FAM13C: variants seen among roughly 807,000 people sequenced by gnomAD.
FAM13C encodes the protein protein FAM13C.
A neutral mutation model predicts 73.2 loss-of-function variants in FAM13C; 37 were observed. The observed-to-expected ratio is 0.51, with a 90% CI of 0.39 to 0.67. The LOEUF is 0.67. Ranked by LOEUF, FAM13C falls within the 30% of genes least tolerant of loss-of-function variation. The pLI, the probability that FAM13C is intolerant of heterozygous loss-of-function variation, is 0.00. For synonymous variants in FAM13C, 246 were observed against 260.9 expected (o/e 0.94, Z 0.55); for missense variants, 589 against 715.6 (o/e 0.82, Z 2.02).
chr10:59,340,547 A>G (rs896595225), intron 3 of FAM13C, among the ~76,000 whole-genome samples: 6 of 152,192 alleles, frequency 3.9e-5, no homozygotes, highest in South Asian at 2.1e-4. Context: ...CGGACTCTCC[A>G]TTACATCAAG....
Position 59,360,966 on chromosome 10 carries a change from G to A in FAM13C, c.62+1433C>T, listed in dbSNP as rs997862671. ...GAGGATTTGGCCACACCAGGCTCCT[G>A]AGAATCGGGGCCAGAAAGCACTTAG... On this transcript the variant is annotated intron_variant, in intron 1 of 13. Coordinates refer to ENST00000618804, the MANE Select transcript of FAM13C (RefSeq NM_198215.4). 3.1e-5 allele frequency: 39 copies of A among 1,250,104 alleles called. No individual in the cohort carries two copies. In the African/African-American group the frequency reaches 5.7e-4, roughly 18 times the overall value. The allele number at this position is 1,250,104 out of a possible 1,614,324, so 77.4% of individuals were successfully genotyped here.
In FAM13C at chr10:59,313,622, G is replaced by T. The variant is rs77696521; in HGVS notation, c.443+10366C>A. ...GGCAATTCAGTTGAGATTGAGTTGG[G>T]AAACCAACTTGTCCAAGGTATGCAT... On this transcript the variant is annotated intron_variant, in intron 4 of 13. Coordinates refer to ENST00000618804, the MANE Select transcript of FAM13C (RefSeq NM_198215.4). 6.7e-3 allele frequency among the ~76,000 whole-genome samples: 1,018 copies of T among 152,276 alleles called. 47 individuals are homozygous for T. The East Asian group carries it at 0.13, about 19-fold the overall frequency.
chr10:59,300,433 A>T (rs1217232515), intron 5 of FAM13C, among the ~76,000 whole-genome samples: 1 of 152,120 alleles, frequency 6.6e-6, no homozygotes, highest in East Asian at 1.9e-4. Flanking sequence ...CTTTATAAGG[A>T]TGTGTGGGGA....
chr10:59,288,180 AC>A (rs1845818256), intron 5 of FAM13C, among the ~76,000 whole-genome samples: 1 of 152,148 alleles, frequency 6.6e-6, no homozygotes, highest in African/African-American at 2.4e-5. Context: ...TAATGCCATG[AC>A]CCAGTTATGG....
chr10:59,352,425 C>T lies in FAM13C; in HGVS notation c.169G>A (p.Glu57Lys). The T allele has an allele frequency of 1.2e-6, 2 of 1,613,768 alleles. No homozygotes were observed. Among genetic ancestry groups the T allele is most frequent in the Non-Finnish European group, 1.7e-6 (2 of 1,179,926 alleles). The change falls in exon 3 of 14, where the codon GAG becomes AAG. Residue 57 changes from glutamate (E) to lysine (K), a missense_variant. Transcript: ENST00000618804. ...NYPDAGALVE[E>K]HAPPSWEPQQ... is the part of the protein sequence containing the mutation. Reference sequence around the variant, plus strand: ...GGCTCCCAAGAGGGCGGCGCGTGCTCTTCTACCAGAGCCCCTGCGTCGGGG... The same window carrying T: ...GGCTCCCAAGAGGGCGGCGCGTGCTTTTCTACCAGAGCCCCTGCGTCGGGG...
At chr10:59,341,336 T>C (rs983757994) in intron 3 of FAM13C, among the ~76,000 whole-genome samples, 1 of 152,180 alleles carries the variant, frequency 6.6e-6, no homozygotes, top group African/African-American at 2.4e-5. Context: ...GCAATCATAA[T>C]ATTGTAGCTC....
intron 5 of FAM13C, among the ~76,000 whole-genome samples, chr10:59,284,837 C>T (rs1223901610): frequency 6.6e-6 from 1 of 151,568 alleles, no homozygotes; most frequent in Non-Finnish European, 1.5e-5. Context: ...TGCACACCCA[C>T]CTCACACACA....
At chr10:59,320,784 A>G (rs1477897661) in intron 4 of FAM13C, among the ~76,000 whole-genome samples, 1 of 152,230 alleles carries the variant, frequency 6.6e-6, no homozygotes, top group Non-Finnish European at 1.5e-5. Context: ...CAACTTGGTA[A>G]TTGGCACAAA....
chr10:59,312,217 T>C (rs2133939106), intron 4 of FAM13C, among the ~76,000 whole-genome samples: 1 of 152,292 alleles, frequency 6.6e-6, no homozygotes, highest in Admixed American at 6.5e-5. Flanking sequence ...TACTCAGACT[T>C]GCAACACTTT....
intron 3 of FAM13C, among the ~76,000 whole-genome samples, chr10:59,345,283 T>C (rs989866285): frequency 1.3e-5 from 2 of 152,210 alleles, no homozygotes; most frequent in African/African-American, 4.8e-5. Flanking sequence ...ATATCAGTTA[T>C]GCAATGCGGC....
At chr10:59,351,901 C>T (rs893909813) in intron 3 of FAM13C, among the ~76,000 whole-genome samples, 11 of 152,262 alleles carry the variant, frequency 7.2e-5, no homozygotes, top group African/African-American at 2.4e-4. Context: ...GAGGCTAAGG[C>T]AGGAGAATCG....
rs1310017334 is a variant in FAM13C at position 59,247,649 on chromosome 10, G to A, written c.1723C>T (p.Leu575Phe). 7 of 1,613,388 alleles carry A rather than the reference G, an allele frequency of 4.3e-6. No individual in the cohort carries two copies. Among genetic ancestry groups the A allele is most frequent in the Non-Finnish European group, 5.9e-6 (7 of 1,179,624 alleles). ...IKAKLRLLEV[L>F]ISKQDVAKTI ...TTGGCCACATCTTGCTTGCTGATGA[G>A]GACCTCTAATAGTCTCAGTTTGGCT... The change falls in exon 14 of 14, where the codon CTC becomes TTC. Residue 575 changes from leucine to phenylalanine, a missense_variant. By Grantham distance (22) the Leu-to-Phe change is conservative (BLOSUM62 0). Transcript: ENST00000618804.
At chr10:59,322,281 C>G (rs1161610401) in intron 4 of FAM13C, among the ~76,000 whole-genome samples, 4 of 152,168 alleles carry the variant, frequency 2.6e-5, no homozygotes, top group African/African-American at 9.7e-5. Context: ...TTAAAGGTTA[C>G]TTAACTAAGA....
intron 5 of FAM13C, among the ~76,000 whole-genome samples, chr10:59,295,288 C>T (rs1430850573): frequency 2.6e-5 from 4 of 152,204 alleles, no homozygotes; most frequent in South Asian, 2.1e-4. Flanking sequence ...CTGGACCAAT[C>T]GGGGAGGCCT....
chr10:59,267,768 G>A (rs1245707820), intron 8 of FAM13C, among the ~76,000 whole-genome samples: 1 of 152,126 alleles, frequency 6.6e-6, no homozygotes, highest in Non-Finnish European at 1.5e-5. Context: ...AGATGTATGA[G>A]AGATTATTCC....
At chr10:59,359,667 T>C (rs1430282892) in intron 1 of FAM13C, among the ~76,000 whole-genome samples, 4 of 152,216 alleles carry the variant, frequency 2.6e-5, no homozygotes, top group Admixed American at 2.0e-4. Context: ...TGCCTACCTA[T>C]AGAACTACTA....
chr10:59,339,935 G>A (rs1357468675), intron 3 of FAM13C, among the ~76,000 whole-genome samples: 1 of 152,142 alleles, frequency 6.6e-6, no homozygotes, highest in African/African-American at 2.4e-5. Flanking sequence ...TTTTAGTCTT[G>A]TTTGCAATGG....
intron 1 of FAM13C, among the ~76,000 whole-genome samples, chr10:59,356,298 T>C (rs561616617): frequency 6.6e-6 from 1 of 152,192 alleles, no homozygotes; most frequent in Non-Finnish European, 1.5e-5. Flanking sequence ...TTCCATTACA[T>C]GCCTCTTTGC....
In FAM13C at chr10:59,321,482, A is replaced by G. The variant is rs577772626; in HGVS notation, c.443+2506T>C. The stretch of plus-strand genomic sequence containing the variant: ...TTTGGCCCAGGGAGACATATGTAGG[A>G]CTTCTATCCTACAGAACTATGAGAT... On this transcript the variant is annotated intron_variant, in intron 4 of 13. Coordinates refer to ENST00000618804, the MANE Select transcript of FAM13C (RefSeq NM_198215.4). Among the ~76,000 whole-genome samples the G allele has an allele frequency of 1.3e-4, 16 of 126,100 alleles. 1 individual carries two copies. In the South Asian group the frequency reaches 2.0e-3, roughly 16 times the overall value. The allele number at this position is 126,100 out of a possible 152,430, so 82.7% of individuals were successfully genotyped here.
Sources: allele counts gnomAD v4.1 joint callset (sites outside exome capture counted in the v4.1 genomes callset), GRCh38; gene constraint gnomAD v4.1.1; transcripts MANE v1.5; gene names NCBI Gene and HGNC (gene_info 2026-07-23, HGNC 2026-07-21).